MTOR: variants seen among roughly 807,000 people sequenced by gnomAD.
MTOR encodes mechanistic target of rapamycin kinase.
A neutral mutation model predicts 319.8 loss-of-function variants in MTOR; 70 were observed. The observed-to-expected ratio is 0.22, with a 90% CI of 0.18 to 0.27. The LOEUF is 0.27. MTOR is among the 10% of genes least tolerant of loss of function. The pLI is 1.00. For synonymous variants in MTOR, 1,183 were observed against 1,211.4 expected (o/e 0.98, Z 0.49); for missense variants, 1,890 against 3,274.4 (o/e 0.58, Z 10.32).
chr1:11,203,395 T>G (rs917380090), intron 26 of MTOR, among the ~76,000 whole-genome samples: 1 of 152,102 alleles, frequency 6.6e-6, no homozygotes, highest in Non-Finnish European at 1.5e-5. Flanking sequence ...TAAAAAAAAT[T>G]TTGGCCAAGT....
intron 29 of MTOR, among the ~76,000 whole-genome samples, chr1:11,158,148 C>T (rs905109322): frequency 2.6e-5 from 4 of 152,170 alleles, no homozygotes; most frequent in South Asian, 4.1e-4. Flanking sequence ...CAGTTTCTCT[C>T]CTGGGCTACT....
chr1:11,248,211 G>A (rs1175811047), intron 6 of MTOR, 117 bp from the exon 7 acceptor site: 1 of 1,059,910 alleles, frequency 9.4e-7, no homozygotes, highest in Non-Finnish European at 1.4e-6. Context: ...TACTTCCAAA[G>A]TGAAGGGTGG....
At chr1:11,170,465 C>T (rs1644776895) in intron 28 of MTOR, among the ~76,000 whole-genome samples, 1 of 151,890 alleles carries the variant, frequency 6.6e-6, no homozygotes, top group African/African-American at 2.4e-5. Flanking sequence ...CCTGTAATCC[C>T]AGCACTTTGG....
At chr1:11,112,821 A>T (rs763092735) in intron 54 of MTOR, 31 bp downstream of exon 54, 1 of 1,611,352 alleles carries the variant, frequency 6.2e-7, no homozygotes, top group African/African-American at 1.3e-5. Context: ...CAAGGGGGAG[A>T]GCCTTTGCGA....
At chr1:11,154,387 C>T (rs1259534461) in intron 30 of MTOR, among the ~76,000 whole-genome samples, 1 of 151,704 alleles carries the variant, frequency 6.6e-6, no homozygotes, top group Non-Finnish European at 1.5e-5. Flanking sequence ...CCACCACACT[C>T]AGCCTTTTAA....
chr1:11,165,509 A>G (rs1303508591), intron 29 of MTOR, among the ~76,000 whole-genome samples: 8 of 152,058 alleles, frequency 5.3e-5, no homozygotes, highest in African/African-American at 1.9e-4. Flanking sequence ...TTCAAAGAGA[A>G]TAAAATACCT....
intron 36 of MTOR, chr1:11,139,053 T>C: frequency 2.3e-6 from 1 of 443,378 alleles, no homozygotes; most frequent in Non-Finnish European, 3.9e-6. Context: ...GTCCCAGCAC[T>C]TTCTAGATAC....
chr1:11,132,566 A>G (rs940948553), intron 38 of MTOR: 7 of 152,592 alleles, frequency 4.6e-5, no homozygotes, highest in African/African-American at 1.4e-4. Flanking sequence ...TCCAAAAATC[A>G]CCCCTCCATC....
chr1:11,137,673 G>T (rs1643492634), intron 36 of MTOR, among the ~76,000 whole-genome samples: 1 of 152,168 alleles, frequency 6.6e-6, no homozygotes, highest in African/African-American at 2.4e-5. Flanking sequence ...GATTGCATGG[G>T]TGGGTTTGTG....
At chr1:11,156,392 T>G (rs1293282562) in intron 30 of MTOR, among the ~76,000 whole-genome samples, 1 of 152,240 alleles carries the variant, frequency 6.6e-6, no homozygotes, top group East Asian at 1.9e-4. Context: ...GGAAACAGAA[T>G]GGAGGCCATT....
intron 11 of MTOR, among the ~76,000 whole-genome samples, chr1:11,239,920 AAAG>A (rs1315349288): frequency 1.3e-5 from 2 of 150,194 alleles, no homozygotes; most frequent in Non-Finnish European, 3.0e-5. Flanking sequence ...AAAAAAAAAG[AAAG>A]AAAAAAGAAA....
At chr1:11,182,887 T>C (rs1645203546) in intron 28 of MTOR, among the ~76,000 whole-genome samples, 1 of 152,244 alleles carries the variant, frequency 6.6e-6, no homozygotes. Context: ...CTTGGATTGT[T>C]TTCAGTGTTT....
intron 6 of MTOR, among the ~76,000 whole-genome samples, 189 bp from the exon 7 acceptor site, chr1:11,248,283 T>C (rs371222819): frequency 1.4e-4 from 21 of 152,296 alleles, no homozygotes; most frequent in Middle Eastern, 3.4e-3. Flanking sequence ...GATTTTGTTC[T>C]AAGTTAGGCA....
Position 11,166,198 on chromosome 1 carries a change from C to T in MTOR, c.4329+1244G>A, listed in dbSNP as rs868834521. The stretch of plus-strand genomic sequence containing the variant: ...GACATAGGCATGGGCAAGGACTTCA[C>T]GTCTAAAACACCAAAAGCAATGGCA... On this transcript the variant is annotated intron_variant, in intron 29 of 57. Transcript: ENST00000361445. 8.0e-3 allele frequency among the ~76,000 whole-genome samples: 1,221 copies of T among 152,096 alleles called. 20 individuals are homozygous for T. The highest frequency in any genetic ancestry group is 0.027 in the African/African-American group (1,120 of 41,514).
At chr1:11,209,241 CA>C in intron 25 of MTOR, 70 bp downstream of exon 25, 1 of 1,587,926 alleles carries the variant, frequency 6.3e-7, no homozygotes, top group Non-Finnish European at 8.6e-7. Context: ...CCAGTTTAAA[CA>C]GTTAAAAGTT....
rs1359752919 is a variant in MTOR at position 11,150,893 on chromosome 1, T to C, written c.4470-667A>G. ...TATTGACTGTTGAAACTCCCTCTCATGTTTCGCTTCTCAGTGAAAAAAAAT... is the reference window on the plus strand; with the variant it reads ...TATTGACTGTTGAAACTCCCTCTCACGTTTCGCTTCTCAGTGAAAAAAAAT... On this transcript the variant is annotated intron_variant, in intron 30 of 57. Transcript: ENST00000361445. Among the ~76,000 whole-genome samples, 3 of 152,198 alleles carry C rather than the reference T, an allele frequency of 2.0e-5. No individual in the cohort carries two copies. In the East Asian group the frequency reaches 5.8e-4, roughly 29 times the overall value.
chr1:11,238,370 C>T (rs1395009148), intron 12 of MTOR, 32 bp downstream of exon 12: 1 of 1,608,846 alleles, frequency 6.2e-7, no homozygotes, highest in Non-Finnish European at 8.5e-7. Context: ...CTCCTTAACT[C>T]CCCTAGATTC....
intron 28 of MTOR, chr1:11,193,466 G>GT: frequency 1.1e-6 from 1 of 894,342 alleles, no homozygotes; most frequent in Non-Finnish European, 1.7e-6. Flanking sequence ...TGTGACTGCG[G>GT]GAGTGCACAC....
intron 15 of MTOR, 94 bp from the exon 16 acceptor site, chr1:11,232,622 C>T (rs1647057842): frequency 3.0e-6 from 3 of 994,912 alleles, no homozygotes; most frequent in Admixed American, 2.0e-5. Flanking sequence ...TGCCTGTAAT[C>T]CCAGCACTTT....
Sources: allele counts gnomAD v4.1 joint callset (sites outside exome capture counted in the v4.1 genomes callset), GRCh38; gene constraint gnomAD v4.1.1; transcripts MANE v1.5; gene names NCBI Gene and HGNC (gene_info 2026-07-23, HGNC 2026-07-21).